The following THSD4 variants were observed in gnomAD, a reference collection of about 807,000 sequenced individuals.
The protein encoded by THSD4 is thrombospondin type 1 domain containing 4, also known as thrombospondin type-1 domain-containing protein 4.
THSD4 carries 69 observed loss-of-function variants against 119.0 expected under a neutral mutation model. The observed-to-expected ratio is 0.58, with a 90% confidence interval of 0.48 to 0.71. THSD4 has a LOEUF of 0.71. THSD4 is among the 30% of genes least tolerant of loss of function. The pLI is 0.00. For synonymous variants in THSD4, 524 were observed against 540.4 expected (o/e 0.97, Z 0.42); for missense variants, 1,393 against 1,391.1 (o/e 1.00, Z -0.02).
chr15:71,128,886 G>C (rs952093785), intron 1 of THSD4, among the ~76,000 whole-genome samples: 1 of 152,226 alleles, frequency 6.6e-6, no homozygotes, highest in Non-Finnish European at 1.5e-5. Context: ...CAACCTGGAA[G>C]TACACCCATC....
chr15:71,442,020 G>A (rs548476957), intron 7 of THSD4, among the ~76,000 whole-genome samples: 1 of 152,080 alleles, frequency 6.6e-6, no homozygotes, highest in South Asian at 2.1e-4. Context: ...GTGAAGTGGC[G>A]CCATCTTGGC....
intron 7 of THSD4, among the ~76,000 whole-genome samples, chr15:71,623,712 C>T (rs917584815): frequency 6.6e-6 from 1 of 152,100 alleles, no homozygotes; most frequent in Non-Finnish European, 1.5e-5. Flanking sequence ...CACCTGAGGT[C>T]AGGAGCTCAA....
At chr15:71,330,109 A>G (rs2045402536) in intron 6 of THSD4, among the ~76,000 whole-genome samples, 4 of 151,108 alleles carry the variant, frequency 2.6e-5, no homozygotes, top group Non-Finnish European at 4.4e-5. Flanking sequence ...AAAGACCACC[A>G]TGATTGTTCT....
intron 6 of THSD4, among the ~76,000 whole-genome samples, chr15:71,406,765 C>T (rs573974090): frequency 4.6e-5 from 7 of 151,478 alleles, no homozygotes; most frequent in East Asian, 1.9e-4. Flanking sequence ...CTGCAACCTC[C>T]GCCTCCCGAG....
At chr15:71,300,604 C>A (rs1327193937) in intron 6 of THSD4, among the ~76,000 whole-genome samples, 1 of 152,170 alleles carries the variant, frequency 6.6e-6, no homozygotes, top group Non-Finnish European at 1.5e-5. Flanking sequence ...TTTTTAAACT[C>A]TTATCAATCC....
At chr15:71,744,147 CTTTTTTT>C (rs56158827) in intron 11 of THSD4, among the ~76,000 whole-genome samples, 1 of 102,742 alleles carries the variant, frequency 9.7e-6, no homozygotes, top group Non-Finnish European at 2.0e-5. Flanking sequence ...ATTGAATCAG[CTTTTTTT>C]TTTTTTTTTT....
chr15:71,608,237 A>AAAAAAATAT (rs537013275), intron 7 of THSD4, among the ~76,000 whole-genome samples: 4 of 111,620 alleles, frequency 3.6e-5, no homozygotes, highest in African/African-American at 1.3e-4. Flanking sequence ...AAAAAAAAAA[A>AAAAAAATAT]ATATATATAT....
intron 6 of THSD4, among the ~76,000 whole-genome samples, chr15:71,378,980 C>T (rs1481173564): frequency 6.6e-6 from 1 of 152,106 alleles, no homozygotes; most frequent in Non-Finnish European, 1.5e-5. Flanking sequence ...GACAGGGTCT[C>T]ACTATGTTGC....
chr15:71,479,292 C>T (rs1394655388), intron 7 of THSD4, among the ~76,000 whole-genome samples: 1 of 148,880 alleles, frequency 6.7e-6, no homozygotes, highest in Non-Finnish European at 1.5e-5. Flanking sequence ...ATAACATTCT[C>T]CATCTCCATT....
intron 3 of THSD4, among the ~76,000 whole-genome samples, chr15:71,195,924 G>C (rs1050276710): frequency 5.9e-5 from 9 of 152,160 alleles, no homozygotes; most frequent in Admixed American, 1.3e-4. Context: ...TATTCATGTT[G>C]AATAACCACT....
intron 1 of THSD4, among the ~76,000 whole-genome samples, chr15:71,118,551 A>C (rs2040382378): frequency 6.6e-6 from 1 of 152,146 alleles, no homozygotes; most frequent in Non-Finnish European, 1.5e-5. Flanking sequence ...GTCATGGAAC[A>C]CACTGTCCTC....
At chr15:71,206,488 T>G (rs1470083668) in intron 3 of THSD4, among the ~76,000 whole-genome samples, 2 of 152,206 alleles carry the variant, frequency 1.3e-5, no homozygotes, top group Non-Finnish European at 2.9e-5. Context: ...TGCTTTAGAG[T>G]GTTGACTTGG....
At chr15:71,310,026 T>C (rs2045088915) in intron 6 of THSD4, among the ~76,000 whole-genome samples, 2 of 152,124 alleles carry the variant, frequency 1.3e-5, no homozygotes, top group Admixed American at 1.3e-4. Flanking sequence ...TCCTAAAAGG[T>C]TGGGGAAGGA....
At chr15:71,261,125 G>A (rs1373473605) in intron 6 of THSD4, among the ~76,000 whole-genome samples, 2 of 152,154 alleles carry the variant, frequency 1.3e-5, no homozygotes, top group Admixed American at 6.5e-5. Context: ...GGTCTTTGCA[G>A]ATCTAATTAA....
At chr15:71,157,248 C>G (rs2040787429) in intron 3 of THSD4, among the ~76,000 whole-genome samples, 2 of 152,170 alleles carry the variant, frequency 1.3e-5, no homozygotes, top group African/African-American at 2.4e-5. Flanking sequence ...GTATCACTCT[C>G]ATCTTTCTTC....
chr15:71,724,349 G>C (rs1459806842), intron 8 of THSD4, among the ~76,000 whole-genome samples: 2 of 146,394 alleles, frequency 1.4e-5, no homozygotes, highest in African/African-American at 4.9e-5. Context: ...GCAGTGGCGT[G>C]GTCTCGGCTC....
At chr15:71,372,238 T>C (rs1049628027) in intron 6 of THSD4, among the ~76,000 whole-genome samples, 5 of 152,190 alleles carry the variant, frequency 3.3e-5, no homozygotes, top group Non-Finnish European at 7.4e-5. Flanking sequence ...CCTTCTTTAG[T>C]TCAGAGAAGT....
chr15:71,456,739 G>T (rs1355842392), intron 7 of THSD4, among the ~76,000 whole-genome samples: 1 of 152,042 alleles, frequency 6.6e-6, no homozygotes. Flanking sequence ...TTCTGCTGTG[G>T]ATTAAAACAT....
chr15:71,346,838 G>A (rs1014630490), intron 6 of THSD4, among the ~76,000 whole-genome samples: 11 of 147,592 alleles, frequency 7.5e-5, no homozygotes, highest in Admixed American at 4.0e-4. Context: ...CTCAAATTCC[G>A]AATAACATCA....
Sources: allele counts gnomAD v4.1 joint callset (sites outside exome capture counted in the v4.1 genomes callset), GRCh38; gene constraint gnomAD v4.1.1; transcripts MANE v1.5; gene names NCBI Gene and HGNC (gene_info 2026-07-23, HGNC 2026-07-21).